The following GALNTL6 variants were observed in gnomAD, a reference collection of about 807,000 sequenced individuals.
GALNTL6 encodes the protein polypeptide N-acetylgalactosaminyltransferase-like 6.
In GALNTL6, 46 loss-of-function variants were observed where a neutral mutation model predicts 73.7. The observed-to-expected ratio is 0.62, with a 90% CI of 0.49 to 0.80. The LOEUF (loss-of-function observed/expected upper bound fraction) is 0.80, where lower values mean the gene tolerates loss of function less well. Among genes scored for constraint, GALNTL6 ranks in the 30% least tolerant of loss-of-function variants. The pLI, the probability that GALNTL6 is intolerant of heterozygous loss-of-function variation, is 0.00. For missense variants in GALNTL6, 604 were observed against 755.0 expected, an observed-to-expected ratio of 0.80 and a Z score of 2.34; for synonymous variants, 259 against 263.7, an observed-to-expected ratio of 0.98 and a Z score of 0.17.
chr4:172,085,892 T>C (rs945058810), intron 2 of GALNTL6, among the ~76,000 whole-genome samples: 1 of 152,094 alleles, frequency 6.6e-6, no homozygotes, highest in African/African-American at 2.4e-5. Flanking sequence ...ATGACTTCTC[T>C]ACCTGACATC....
chr4:172,093,362 G>A (rs1732260365), intron 2 of GALNTL6, among the ~76,000 whole-genome samples: 1 of 151,606 alleles, frequency 6.6e-6, no homozygotes, highest in African/African-American at 2.4e-5. Flanking sequence ...ATAACTTTTA[G>A]ATACTCTTTA....
At chr4:172,259,055 A>G (rs1322578000) in intron 3 of GALNTL6, among the ~76,000 whole-genome samples, 13 of 151,138 alleles carry the variant, frequency 8.6e-5, no homozygotes. Context: ...TACTATAAAG[A>G]TGATTGTTTA....
At chr4:171,925,383 G>A (rs1257978550) in intron 2 of GALNTL6, among the ~76,000 whole-genome samples, 1 of 152,132 alleles carries the variant, frequency 6.6e-6, no homozygotes, top group Non-Finnish European at 1.5e-5. Context: ...CAAAGATAAT[G>A]GCCTGAATTA....
chr4:172,548,871 G>T (rs1008652693), intron 5 of GALNTL6, among the ~76,000 whole-genome samples: 1 of 151,750 alleles, frequency 6.6e-6, no homozygotes, highest in African/African-American at 2.4e-5. Context: ...ATAATAATCA[G>T]GATTTTTTTC....
chr4:172,357,312 A>T (rs1016057325), intron 5 of GALNTL6, among the ~76,000 whole-genome samples: 1 of 152,142 alleles, frequency 6.6e-6, no homozygotes, highest in African/African-American at 2.4e-5. Context: ...CCCTTGTGGG[A>T]CATCTGATTC....
rs1747654281 is a variant in GALNTL6 at position 172,918,762 on chromosome 4, C to A, written c.1042-12399C>A. Among the ~76,000 whole-genome samples the A allele has an allele frequency of 2.0e-5, 3 of 152,306 alleles. No individual in the cohort carries two copies. In the South Asian group the frequency reaches 6.2e-4, roughly 32 times the overall value. The stretch of plus-strand genomic sequence containing the variant: ...TTATTTAATTTGGTCCTTACAACCA[C>A]CTATGAAGTAGATACATTACCCCAA... On this transcript the variant is annotated intron_variant, in intron 8 of 12. Coordinates refer to ENST00000506823, the MANE Select transcript of GALNTL6 (RefSeq NM_001034845.3).
intron 2 of GALNTL6, among the ~76,000 whole-genome samples, chr4:171,853,948 A>G (rs1019354944): frequency 6.6e-6 from 1 of 151,526 alleles, no homozygotes; most frequent in African/African-American, 2.4e-5. Flanking sequence ...CTTTCTTTTC[A>G]TTTTTCCCTT....
At chr4:172,661,478 C>A (rs1202022868) in intron 5 of GALNTL6, among the ~76,000 whole-genome samples, 2 of 151,982 alleles carry the variant, frequency 1.3e-5, no homozygotes, top group African/African-American at 4.8e-5. Flanking sequence ...ACTGACTACA[C>A]TGGAAATAAC....
At chr4:172,444,988 C>G (rs1236992520) in intron 5 of GALNTL6, among the ~76,000 whole-genome samples, 1 of 152,102 alleles carries the variant, frequency 6.6e-6, no homozygotes, top group Admixed American at 6.6e-5. Flanking sequence ...ATGACTGTAA[C>G]TCTGTCATTA....
At position 173,009,217 on chromosome 4, in the gene GALNTL6, C is replaced by G. The variant is rs1421650457; in HGVS notation, c.1411C>G (p.His471Asp). 6.2e-7 allele frequency: 1 copy of G among 1,613,954 alleles called. No individual in the cohort carries two copies. The highest frequency in any genetic ancestry group is 1.3e-5 in the African/African-American group (1 of 74,936). The change falls in exon 11 of 13, where the codon CAT becomes GAT. Residue 471 changes from histidine (H) to aspartate (D), a missense_variant. By Grantham distance (81) the His-to-Asp change is moderately conservative (BLOSUM62 -1). Around this residue, in one of 5 missense-constraint regions of GALNTL6, gnomAD observed 261 missense variants for 296.5 expected, o/e 0.88. Coordinates refer to ENST00000506823, the MANE Select transcript of GALNTL6 (RefSeq NM_001034845.3). ...VAANLCVDSK[H>D]GATGTELRLD... The stretch of plus-strand genomic sequence containing the variant: ...AGCAAATCTCTGTGTGGACAGCAAG[C>G]ATGGAGCCACCGGAACAGAGCTGAG...
rs573430815 is a variant in GALNTL6, at chr4:172,472,150, T to C, written c.553+123461T>C. Among the ~76,000 whole-genome samples, 22 of 152,350 alleles carry C rather than the reference T, an allele frequency of 1.4e-4. No individual in the cohort carries two copies. The South Asian group carries it at 4.4e-3, about 30-fold the overall frequency. On this transcript the variant is annotated intron_variant, in intron 5 of 12. Transcript: ENST00000506823. ...AAGTCTCATAATCAATGTTTCCCTT[T>C]ATTGAGTCACTATTACATACCAGGC...
At chr4:171,903,526 C>A (rs1290580663) in intron 2 of GALNTL6, among the ~76,000 whole-genome samples, 5 of 151,270 alleles carry the variant, frequency 3.3e-5, no homozygotes, top group Non-Finnish European at 7.4e-5. Context: ...GCTAGCACAG[C>A]AGTCTGAGAT....
chr4:171,904,923 A>C (rs1737225798), intron 2 of GALNTL6, among the ~76,000 whole-genome samples: 2 of 152,002 alleles, frequency 1.3e-5, no homozygotes, highest in Admixed American at 6.6e-5. Context: ...GAAATAAAAT[A>C]CTTTACAGAC....
intron 2 of GALNTL6, among the ~76,000 whole-genome samples, chr4:171,878,562 T>G (rs1196127710): frequency 6.6e-6 from 1 of 152,194 alleles, no homozygotes; most frequent in East Asian, 1.9e-4. Flanking sequence ...ACATAAACCC[T>G]TATCTTCCTT....
chr4:172,736,319 AG>A (rs2111404377), intron 5 of GALNTL6, among the ~76,000 whole-genome samples: 1 of 152,320 alleles, frequency 6.6e-6, no homozygotes, highest in South Asian at 2.1e-4. Context: ...ATATTTTCCC[AG>A]GGCTGTTCCT....
At chr4:172,832,400 C>T (rs1006749460) in intron 7 of GALNTL6, among the ~76,000 whole-genome samples, 4 of 152,290 alleles carry the variant, frequency 2.6e-5, no homozygotes, top group African/African-American at 9.6e-5. Context: ...TTAAATTAGA[C>T]CATCCTAATG....
chr4:172,021,466 T>C (rs962841020), intron 2 of GALNTL6, among the ~76,000 whole-genome samples: 12 of 152,086 alleles, frequency 7.9e-5, no homozygotes, highest in Admixed American at 6.6e-4. Context: ...TGGAAAGATA[T>C]TCCATGTCCA....
chr4:172,037,916 G>C (rs1450119022), intron 2 of GALNTL6, among the ~76,000 whole-genome samples: 1 of 151,950 alleles, frequency 6.6e-6, no homozygotes, highest in East Asian at 1.9e-4. Flanking sequence ...TCAGGAGTTT[G>C]AGACCAGCCT....
At chr4:172,698,375 TC>T (rs1733816043) in intron 5 of GALNTL6, among the ~76,000 whole-genome samples, 1 of 152,128 alleles carries the variant, frequency 6.6e-6, no homozygotes, top group African/African-American at 2.4e-5. Flanking sequence ...TAGTTTTGGC[TC>T]CTCCCATAGC....
Sources: allele counts gnomAD v4.1 joint callset (sites outside exome capture counted in the v4.1 genomes callset), GRCh38; gene constraint gnomAD v4.1.1; regional missense constraint gnomAD v4.1.1; transcripts MANE v1.5; gene names NCBI Gene and HGNC (gene_info 2026-07-23, HGNC 2026-07-21).